The following VPS41 variants were observed in gnomAD, a reference collection of about 807,000 sequenced individuals.
VPS41 encodes the protein vacuolar protein sorting-associated protein 41 homolog.
In VPS41, 85 loss-of-function variants were observed where a neutral mutation model predicts 130.9. The ratio of observed to expected loss-of-function variants is 0.65; its 90% CI spans 0.55 to 0.78. The LOEUF is 0.78. VPS41 is among the 30% of genes least tolerant of loss of function. VPS41 has a pLI of 0.00. For missense variants in VPS41, 874 were observed against 1,018.7 expected (o/e 0.86, Z 1.93); for synonymous variants, 335 against 332.9 (o/e 1.01, Z -0.07).
intron 4 of VPS41, chr7:38,831,246 G>A (rs1172388775): frequency 4.2e-6 from 2 of 470,934 alleles, no homozygotes; most frequent in Non-Finnish European, 8.8e-6. Flanking sequence ...GCATCTGGTT[G>A]TAAGCTGCCT....
intron 15 of VPS41, among the ~76,000 whole-genome samples, chr7:38,766,398 C>A (rs1459691091): frequency 6.6e-6 from 1 of 152,158 alleles, no homozygotes; most frequent in Non-Finnish European, 1.5e-5. Flanking sequence ...TGGGAAAATT[C>A]TCTTTGAATC....
chr7:38,770,330 T>G (rs1784131844), intron 14 of VPS41, among the ~76,000 whole-genome samples: 1 of 150,718 alleles, frequency 6.6e-6, no homozygotes, highest in South Asian at 2.1e-4. Flanking sequence ...CTGTGGCACC[T>G]CTCTGCCTCT....
intron 11 of VPS41, 73 bp from the exon 12 acceptor site, chr7:38,774,317 C>T: frequency 7.3e-7 from 1 of 1,366,560 alleles, no homozygotes; most frequent in East Asian, 2.5e-5. Flanking sequence ...TTCTAGTTAG[C>T]CATACATATT....
intron 1 of VPS41, among the ~76,000 whole-genome samples, chr7:38,907,560 C>T (rs562441456): frequency 2.4e-4 from 36 of 152,272 alleles, no homozygotes; most frequent in African/African-American, 8.4e-4. Context: ...AGACCAAATG[C>T]AATATGGAAG....
Position 38,766,291 on chromosome 7 carries a change from C to T in VPS41, c.1248-630G>A, listed in dbSNP as rs139764233. On this transcript the variant is annotated intron_variant, in intron 15 of 28. Transcript: ENST00000310301. ...TGGGAACCCCTCACACAGACTTGCA[C>T]ACCACTACATAACATTTATGTGTTC... is the stretch of plus-strand genomic sequence containing the variant. 2.6e-5 allele frequency among the ~76,000 whole-genome samples: 4 copies of T among 152,318 alleles called. No individual in the cohort carries two copies. The East Asian group carries it at 7.7e-4, about 29-fold the overall frequency.
At chr7:38,840,247 CTGT>C (rs1562605663) in intron 4 of VPS41, among the ~76,000 whole-genome samples, 3 of 152,256 alleles carry the variant, frequency 2.0e-5, no homozygotes, top group South Asian at 4.2e-4. Context: ...AAAAAGTAAA[CTGT>C]TGTTATGTTT....
intron 18 of VPS41, 87 bp downstream of exon 18, chr7:38,758,267 T>A: frequency 1.6e-6 from 2 of 1,252,416 alleles, no homozygotes; most frequent in Non-Finnish European, 2.2e-6. Context: ...AAATACATCT[T>A]CTCCACTTGG....
chr7:38,771,366 T>C (rs1217904488), intron 13 of VPS41, 112 bp from the exon 14 acceptor site: 9 of 750,756 alleles, frequency 1.2e-5, no homozygotes, highest in Non-Finnish European at 1.8e-5. Flanking sequence ...ACTATAGTTA[T>C]TATGGTTTAG....
chr7:38,903,220 CA>C (rs1295860001), intron 1 of VPS41, among the ~76,000 whole-genome samples: 4 of 152,314 alleles, frequency 2.6e-5, no homozygotes, highest in African/African-American at 9.6e-5. Flanking sequence ...TTCTCTCATA[CA>C]GGCTTTCAAC....
chr7:38,783,533 CA>C (rs553914032), intron 10 of VPS41, among the ~76,000 whole-genome samples: 117 of 140,278 alleles, frequency 8.3e-4, no homozygotes, highest in South Asian at 7.9e-3. Context: ...AACTCTGTCT[CA>C]AAAAAAAAAA....
At chr7:38,855,590 T>C (rs993571117) in intron 4 of VPS41, among the ~76,000 whole-genome samples, 1 of 152,076 alleles carries the variant, frequency 6.6e-6, no homozygotes, top group African/African-American at 2.4e-5. Context: ...GGAAGTGCCC[T>C]AATAAGAATG....
chr7:38,743,711 C>T (rs527238495), intron 23 of VPS41, among the ~76,000 whole-genome samples, 169 bp from the exon 24 acceptor site: 1 of 152,240 alleles, frequency 6.6e-6, no homozygotes, highest in East Asian at 1.9e-4. Context: ...ATAAGTATCT[C>T]CTATTTACTG....
In VPS41 at chr7:38,726,928, C is replaced by T. The variant is rs1795556144; in HGVS notation, c.2465G>A (p.Cys822Tyr). 1 of 1,584,678 alleles carries T rather than the reference C, an allele frequency of 6.3e-7. No homozygotes were observed. Among genetic ancestry groups the T allele is most frequent in the Non-Finnish European group, 8.6e-7 (1 of 1,165,402 alleles). Reference protein sequence around the residue: ...FHCRHMFHKECLPMPSMNSAA... With the variant: ...FHCRHMFHKEYLPMPSMNSAA... ...ACTCACCATGCTGGGCATGGGCAGG[C>T]ACTCCTTGTGGAACATGTGCCGGCA... The change falls in exon 28 of 29, where the codon TGC (cysteine) becomes TAC (tyrosine). Residue 822 changes from cysteine (C) to tyrosine (Y), a missense_variant. Physicochemically the swap from Cys to Tyr is radical, Grantham distance 194 (BLOSUM62 -2). Transcript: ENST00000310301.
intron 7 of VPS41, among the ~76,000 whole-genome samples, chr7:38,809,446 T>G (rs1457354614): frequency 6.6e-6 from 1 of 150,860 alleles, no homozygotes; most frequent in East Asian, 1.9e-4. Flanking sequence ...GCAAAAGAAA[T>G]AAAATTTAAA....
At chr7:38,735,542 T>A (rs765750376) in intron 25 of VPS41, among the ~76,000 whole-genome samples, 13 of 152,130 alleles carry the variant, frequency 8.5e-5, no homozygotes, top group African/African-American at 2.7e-4. Context: ...TGTGTCTGTG[T>A]GTATGGTGTG....
intron 18 of VPS41, 103 bp downstream of exon 18, chr7:38,758,251 G>C: frequency 4.7e-6 from 5 of 1,062,706 alleles, no homozygotes; most frequent in Non-Finnish European, 6.7e-6. Flanking sequence ...GTAGGAAAAT[G>C]GTATAAAATA....
chr7:38,898,462 A>G (rs1462333887), intron 1 of VPS41, among the ~76,000 whole-genome samples: 6 of 152,242 alleles, frequency 3.9e-5, no homozygotes, highest in Admixed American at 3.9e-4. Context: ...TCAGAAGGGA[A>G]GAGGAAACTG....
chr7:38,882,329 C>T (rs1214784417), intron 2 of VPS41, among the ~76,000 whole-genome samples: 1 of 152,194 alleles, frequency 6.6e-6, no homozygotes, highest in Non-Finnish European at 1.5e-5. Flanking sequence ...TCCTACCTCA[C>T]TGGTTACCCT....
At chr7:38,821,715 A>AAG (rs945088385) in intron 5 of VPS41, among the ~76,000 whole-genome samples, 2 of 151,346 alleles carry the variant, frequency 1.3e-5, no homozygotes, top group African/African-American at 4.8e-5. Flanking sequence ...TCAAAAAAAA[A>AAG]AAAAAAGAAA....
Sources: allele counts gnomAD v4.1 joint callset (sites outside exome capture counted in the v4.1 genomes callset), GRCh38; gene constraint gnomAD v4.1.1; transcripts MANE v1.5; gene names NCBI Gene and HGNC (gene_info 2026-07-23, HGNC 2026-07-21).